PLB1: variants seen among roughly 807,000 people sequenced by gnomAD.
The protein encoded by PLB1 is phospholipase B1, membrane-associated.
PLB1 carries 242 observed loss-of-function variants against 227.4 expected under a neutral mutation model. The observed-to-expected ratio is 1.06, with a 90% CI of 0.96 to 1.18. The LOEUF (loss-of-function observed/expected upper bound fraction) is 1.18. Among genes scored for constraint, PLB1 ranks in the 50% most tolerant of loss-of-function variants. PLB1 has a pLI of 0.00. For missense variants in PLB1, 1,858 were observed against 1,816.3 expected (o/e 1.02, Z -0.42); for synonymous variants, 757 against 682.2 (o/e 1.11, Z -1.71).
In PLB1 at chr2:28,601,892, T is replaced by G. The variant is rs1326143047; in HGVS notation, c.2608-7T>G. The G allele has an allele frequency of 1.3e-6, 2 of 1,597,948 alleles. No individual in the cohort carries two copies. Among genetic ancestry groups the G allele is most frequent in the Non-Finnish European group, 1.7e-6 (2 of 1,165,550 alleles). Reference sequence around the variant, plus strand: ...TCCTCCTTTTCCTCCTTCCTGTCTCTTTCTAGAATCTGTATTCTGCAGCCA... The same window carrying G: ...TCCTCCTTTTCCTCCTTCCTGTCTCGTTCTAGAATCTGTATTCTGCAGCCA... On this transcript the variant is annotated splice_polypyrimidine_tract_variant and splice_region_variant and intron_variant, in intron 37 of 57. Transcript: ENST00000327757.
intron 1 of PLB1, among the ~76,000 whole-genome samples, chr2:28,503,052 G>C (rs1667274039): frequency 6.6e-6 from 1 of 151,838 alleles, no homozygotes; most frequent in Non-Finnish European, 1.5e-5. Context: ...AATACCTGTA[G>C]CTTCTGTAGT....
chr2:28,569,692 G>A (rs993067828), intron 20 of PLB1, among the ~76,000 whole-genome samples: 2 of 152,106 alleles, frequency 1.3e-5, no homozygotes, highest in Non-Finnish European at 1.5e-5. Flanking sequence ...GAGGCCAGGC[G>A]TGGTGGCTCA....
intron 15 of PLB1, among the ~76,000 whole-genome samples, chr2:28,549,257 G>T (rs1413873656): frequency 2.6e-5 from 4 of 152,122 alleles, no homozygotes; most frequent in African/African-American, 9.7e-5. Context: ...CCTCAGAGTG[G>T]CAAAGAAGGG....
In PLB1 at chr2:28,550,077, A is replaced by G. The variant is rs1673973387; in HGVS notation, c.1076A>G (p.Lys359Arg). The G allele has an allele frequency of 6.2e-7, 1 of 1,611,262 alleles. No individual in the cohort carries two copies. The highest frequency in any genetic ancestry group is 8.5e-7 in the Non-Finnish European group (1 of 1,177,902). The change falls in exon 16 of 58, where the codon AAG (lysine) becomes AGG (arginine). Residue 359 changes from lysine (K) to arginine (R), a missense_variant. Physicochemically the swap from Lys to Arg is conservative, Grantham distance 26. Coordinates refer to ENST00000327757, the MANE Select transcript of PLB1 (RefSeq NM_153021.5). ...YLTRLQKPQDKLEVREGAEIR... is the reference protein window; with the variant it reads ...YLTRLQKPQDRLEVREGAEIR... ...ACCAGACTGCAGAAACCCCAAGACA[A>G]GCTTGAGGTAAGGAAAGGTTTTCTG...
chr2:28,551,593 A>T (rs990637782), intron 16 of PLB1, among the ~76,000 whole-genome samples: 1 of 152,166 alleles, frequency 6.6e-6, no homozygotes, highest in South Asian at 2.1e-4. Context: ...ATGAGCATAC[A>T]CCTGAGACGC....
intron 46 of PLB1, 94 bp from the exon 47 acceptor site, chr2:28,620,171 T>A (rs1040616658): frequency 1.3e-6 from 1 of 795,774 alleles, no homozygotes; most frequent in African/African-American, 1.8e-5. Context: ...AAAAGGCAAA[T>A]CCAGGTCCTA....
At position 28,639,527 on chromosome 2, in the gene PLB1, G is replaced by A. The variant is rs141847666; in HGVS notation, c.4099-1400G>A. On this transcript the variant is annotated intron_variant, in intron 56 of 57. Coordinates refer to ENST00000327757, the MANE Select transcript of PLB1 (RefSeq NM_153021.5). ...ATGAGAAGTAACAGCCACGGTCACT[G>A]GAGGGGACATGGATCAAAGAAAGGG... Among the ~76,000 whole-genome samples, 228 of 152,300 alleles carry A rather than the reference G, an allele frequency of 1.5e-3. 1 individual carries two copies. Among genetic ancestry groups the A allele is most frequent in the African/African-American group, 4.7e-3 (196 of 41,568 alleles).
intron 56 of PLB1, among the ~76,000 whole-genome samples, chr2:28,636,615 G>T (rs1689392423): frequency 6.6e-6 from 1 of 152,132 alleles, no homozygotes; most frequent in African/African-American, 2.4e-5. Flanking sequence ...AGTAAACTGT[G>T]GCACATTCAT....
chr2:28,626,505 T>C lies in PLB1; in HGVS notation c.3657T>C (p.Asn1219=), dbSNP rs889283255. 6.2e-7 allele frequency: 1 copy of C among 1,613,810 alleles called. No individual in the cohort carries two copies. The highest frequency in any genetic ancestry group is 1.3e-5 in the African/African-American group (1 of 74,904). ...GVNDLCHYCE[N]PEAHLATEYV... ...ACGACTTGTGTCATTACTGTGAGAA[T>C]CCGGTAGGCCCCCGACCAACCCCAT... Residue 1219 remains asparagine, a synonymous_variant, in exon 51 of 58, where the codon AAT becomes AAC. Transcript: ENST00000327757.
At position 28,521,297 on chromosome 2, in the gene PLB1, G is replaced by A. The variant is rs115101556; in HGVS notation, c.243+1534G>A. Among the ~76,000 whole-genome samples, 89 of 152,346 alleles carry A rather than the reference G, an allele frequency of 5.8e-4. 1 individual carries two copies. The East Asian group carries it at 0.016, about 27-fold the overall frequency. ...TTCTTTTGGATATATACACCCAGAC[G>A]TGGGATTGCTGGACCATATAGTAAT... is the stretch of plus-strand genomic sequence containing the variant. On this transcript the variant is annotated intron_variant, in intron 4 of 57. Transcript: ENST00000327757.
intron 26 of PLB1, 60 bp downstream of exon 26, chr2:28,585,902 C>A: frequency 7.0e-7 from 1 of 1,436,926 alleles, no homozygotes; most frequent in South Asian, 1.1e-5. Context: ...ATTGCTCTGT[C>A]TAGAGAACAA....
At chr2:28,509,257 C>T (rs1667968246) in intron 1 of PLB1, among the ~76,000 whole-genome samples, 1 of 152,172 alleles carries the variant, frequency 6.6e-6, no homozygotes, top group Admixed American at 6.5e-5. Context: ...CTTTTGAAAT[C>T]ACCCCACCCG....
intron 9 of PLB1, among the ~76,000 whole-genome samples, chr2:28,535,630 T>C (rs1018613667): frequency 6.6e-6 from 1 of 152,108 alleles, no homozygotes; most frequent in African/African-American, 2.4e-5. Flanking sequence ...AAAAATGTGC[T>C]CTGTAGATGG....
chr2:28,590,101 A>G, intron 29 of PLB1, 25 bp downstream of exon 29: 2 of 1,584,802 alleles, frequency 1.3e-6, no homozygotes, highest in Non-Finnish European at 1.7e-6. Flanking sequence ...ACGTCCTTCC[A>G]GGCTCCGGCT....
At chr2:28,556,837 A>G (rs1243122512) in intron 17 of PLB1, among the ~76,000 whole-genome samples, 1 of 152,204 alleles carries the variant, frequency 6.6e-6, no homozygotes, top group African/African-American at 2.4e-5. Flanking sequence ...AGAACAGTTC[A>G]TTCATTTATT....
At chr2:28,632,000 C>G (rs1573572169) in intron 54 of PLB1, 36 bp from the exon 55 acceptor site, 2 of 1,563,996 alleles carry the variant, frequency 1.3e-6, no homozygotes, top group Admixed American at 3.3e-5. Context: ...TGCAGCCTTG[C>G]CAGGAGGGTT....
chr2:28,597,918 G>A, intron 33 of PLB1, 87 bp from the exon 34 acceptor site: 1 of 1,301,412 alleles, frequency 7.7e-7, no homozygotes, highest in Non-Finnish European at 1.1e-6. Flanking sequence ...ACTAAGAAGG[G>A]TGGGGGCTGC....
At position 28,617,830 on chromosome 2, in the gene PLB1, C is replaced by T. The variant is rs139988416; in HGVS notation, c.3256+43C>T. 2.7e-5 allele frequency: 42 copies of T among 1,571,268 alleles called. No individual in the cohort carries two copies. In the Admixed American group the frequency reaches 3.0e-4, roughly 11 times the overall value. On this transcript the variant is annotated intron_variant, in intron 45 of 57. Transcript: ENST00000327757. ...CATCTCCTTCAATTAAGGGCCTTGC[C>T]GAATATCAGGTTGTGGGGAGACCCT...
intron 4 of PLB1, among the ~76,000 whole-genome samples, chr2:28,522,457 AAG>A (rs1669645093): frequency 6.6e-6 from 1 of 152,060 alleles, no homozygotes. Context: ...TAAGTGAGAA[AAG>A]AGGTTTCATG....
Sources: gnomAD v4.1 joint callset for allele counts (sites outside exome capture counted in the v4.1 genomes callset) on GRCh38, gnomAD v4.1.1 for gene constraint, MANE v1.5 for transcripts, NCBI Gene and HGNC (gene_info 2026-07-23, HGNC 2026-07-21) for gene names.